PAX3: variants seen among roughly 807,000 people sequenced by gnomAD.
The protein encoded by PAX3 is paired box 3.
In PAX3, 14 loss-of-function variants were observed where a neutral mutation model predicts 51.6. That is an observed-to-expected ratio of 0.27 (90% CI 0.18 to 0.42). PAX3 has a LOEUF of 0.42. Ranked by LOEUF, PAX3 falls within the 10% of genes least tolerant of loss-of-function variation. The probability of loss-of-function intolerance (pLI) is 1.00; values close to 1 mark genes in which losing one functional copy is unlikely to be tolerated. For synonymous variants in PAX3, 280 were observed against 253.4 expected, an observed-to-expected ratio of 1.11 and a Z score of -1.00; for missense variants, 540 against 642.8, an observed-to-expected ratio of 0.84 and a Z score of 1.73.
chr2:222,280,950 A>G (rs944489946), intron 4 of PAX3, among the ~76,000 whole-genome samples: 2 of 152,220 alleles, frequency 1.3e-5, no homozygotes, highest in African/African-American at 2.4e-5. Context: ...TTCAGCAAGT[A>G]TTTAGAGCTT....
intron 4 of PAX3, among the ~76,000 whole-genome samples, chr2:222,285,193 C>T (rs1437011988): frequency 6.6e-6 from 1 of 152,216 alleles, no homozygotes; most frequent in Non-Finnish European, 1.5e-5. Context: ...GATTGAGACA[C>T]ACACATGCAC....
intron 4 of PAX3, chr2:222,263,611 T>C (rs1693942725): frequency 6.6e-6 from 1 of 152,188 alleles, no homozygotes; most frequent in African/African-American, 2.4e-5. Context: ...CACCCAGAAA[T>C]CACACTTCTA....
At chr2:222,214,981 C>A (rs1016315008) in intron 7 of PAX3, among the ~76,000 whole-genome samples, 4 of 151,998 alleles carry the variant, frequency 2.6e-5, no homozygotes, top group African/African-American at 9.7e-5. Context: ...CCCATCTGTT[C>A]TAAACATAAA....
At chr2:222,292,202 C>G (rs1695068864) in intron 4 of PAX3, among the ~76,000 whole-genome samples, 1 of 152,202 alleles carries the variant, frequency 6.6e-6, no homozygotes. Context: ...GCTATTGGGG[C>G]TCATTGAATA....
chr2:222,255,743 C>T (rs563778979), intron 4 of PAX3, among the ~76,000 whole-genome samples: 1 of 151,374 alleles, frequency 6.6e-6, no homozygotes, highest in Non-Finnish European at 1.5e-5. Flanking sequence ...CTATTTCACA[C>T]GTCTGTAATA....
intron 4 of PAX3, among the ~76,000 whole-genome samples, chr2:222,234,222 G>A (rs1303352003): frequency 1.3e-5 from 2 of 151,936 alleles, no homozygotes; most frequent in South Asian, 2.1e-4. Flanking sequence ...ACAAATACAT[G>A]TGCATAAAAC....
chr2:222,208,583 C>T (rs1691601732), intron 7 of PAX3, among the ~76,000 whole-genome samples: 1 of 152,194 alleles, frequency 6.6e-6, no homozygotes, highest in South Asian at 2.1e-4. Context: ...GCCTCAAACT[C>T]TTTCTGGGAG....
intron 4 of PAX3, among the ~76,000 whole-genome samples, chr2:222,237,326 GCACACACACACACACA>G (rs3075849): frequency 6.8e-6 from 1 of 146,456 alleles, no homozygotes; most frequent in Non-Finnish European, 1.5e-5. Context: ...TTTATCACAT[GCACACACACACACACA>G]CACACACACA....
intron 4 of PAX3, among the ~76,000 whole-genome samples, chr2:222,288,297 A>G (rs1469553369): frequency 4.6e-5 from 7 of 152,236 alleles, no homozygotes; most frequent in Non-Finnish European, 8.8e-5. Flanking sequence ...ACATATCTTC[A>G]TTTTGTGCAA....
chr2:222,228,917 G>A (rs145263967), intron 5 of PAX3, among the ~76,000 whole-genome samples: 103 of 152,148 alleles, frequency 6.8e-4, no homozygotes, highest in Non-Finnish European at 1.3e-3. Context: ...CTACAGGCTG[G>A]GCAACAAAGT....
In PAX3 at chr2:222,200,634, C is replaced by G. The variant is rs45521041; in HGVS notation, c.*774G>C. The G allele has an allele frequency of 2.2e-3, 552 of 251,044 alleles. 5 individuals are homozygous for G. The highest frequency in any genetic ancestry group is 0.012 in the African/African-American group (533 of 45,518). 15.6% of individuals were successfully genotyped at this position (251,044 alleles called of 1,614,324 possible). ...TCTCTCCACCGTGCCCTTCCTCCAA[C>G]CCAGGTGGGCTACCAAATAAATGTG... On this transcript the variant is annotated 3_prime_UTR_variant, in exon 9 of 9. Transcript: ENST00000392070.
intron 4 of PAX3, among the ~76,000 whole-genome samples, chr2:222,242,106 A>T (rs188545891): frequency 6.6e-6 from 1 of 152,172 alleles, no homozygotes; most frequent in Non-Finnish European, 1.5e-5. Context: ...TTTAATAGGG[A>T]AAGAAAAACC....
At chr2:222,287,870 A>G (rs1694886907) in intron 4 of PAX3, among the ~76,000 whole-genome samples, 1 of 152,220 alleles carries the variant, frequency 6.6e-6, no homozygotes, top group African/African-American at 2.4e-5. Context: ...AAAAAATAAA[A>G]CAATAAAGCC....
At chr2:222,243,181 A>G (rs1401873942) in intron 4 of PAX3, among the ~76,000 whole-genome samples, 1 of 152,236 alleles carries the variant, frequency 6.6e-6, no homozygotes, top group Non-Finnish European at 1.5e-5. Flanking sequence ...TTTTAGAAGA[A>G]AGTTAAATAC....
chr2:222,211,841 T>G (rs1434968166), intron 7 of PAX3, among the ~76,000 whole-genome samples: 2 of 152,204 alleles, frequency 1.3e-5, no homozygotes, highest in African/African-American at 2.4e-5. Context: ...ACTCGTACAC[T>G]GAAAGGTAAA....
At chr2:222,205,394 C>T (rs898990259) in intron 7 of PAX3, among the ~76,000 whole-genome samples, 1 of 152,070 alleles carries the variant, frequency 6.6e-6, no homozygotes, top group African/African-American at 2.4e-5. Context: ...GCACTCAGCA[C>T]AGCAGCCCAA....
intron 2 of PAX3, 116 bp from the exon 3 acceptor site, chr2:222,295,773 C>G: frequency 8.1e-7 from 1 of 1,238,302 alleles, no homozygotes; most frequent in East Asian, 2.3e-5. Flanking sequence ...GGGACGGTCC[C>G]CCTTTGTGAG....
At chr2:222,289,667 C>T (rs139086833) in intron 4 of PAX3, among the ~76,000 whole-genome samples, 2 of 152,256 alleles carry the variant, frequency 1.3e-5, no homozygotes, top group East Asian at 3.9e-4. Flanking sequence ...AGAAGGTAAG[C>T]ACACAGCAGT....
chr2:222,220,446 G>A (rs1034054595), intron 6 of PAX3, 92 bp from the exon 7 acceptor site: 1 of 1,178,086 alleles, frequency 8.5e-7, no homozygotes, highest in Non-Finnish European at 1.3e-6. Flanking sequence ...AGGCCATCAG[G>A]AGCATCTATT....
Sources: gnomAD v4.1 joint callset for allele counts (sites outside exome capture counted in the v4.1 genomes callset) on GRCh38, gnomAD v4.1.1 for gene constraint, MANE v1.5 for transcripts, NCBI Gene and HGNC (gene_info 2026-07-23, HGNC 2026-07-21) for gene names.